SMYD3: variants seen among roughly 807,000 people sequenced by gnomAD.
The protein encoded by SMYD3 is SET and MYND domain containing 3.
A neutral mutation model predicts 57.7 loss-of-function variants in SMYD3; 36 were observed. The ratio of observed to expected loss-of-function variants is 0.62; its 90% confidence interval spans 0.48 to 0.82. SMYD3 has a LOEUF of 0.82. Ranked by LOEUF, SMYD3 falls within the 40% of genes least tolerant of loss-of-function variation. The probability of loss-of-function intolerance (pLI) is 0.00; values close to 1 mark genes in which losing one functional copy is unlikely to be tolerated. For missense variants in SMYD3, 515 were observed against 538.8 expected (o/e 0.96, Z 0.44); for synonymous variants, 211 against 195.0 (o/e 1.08, Z -0.68).
At chr1:246,132,966 CAAAT>C (rs1271202805) in intron 5 of SMYD3, among the ~76,000 whole-genome samples, 1 of 151,858 alleles carries the variant, frequency 6.6e-6, no homozygotes, top group African/African-American at 2.4e-5. Flanking sequence ...TGGCTACTAT[CAAAT>C]AAACAGAAAA....
At chr1:245,836,411 C>T (rs948898531) in intron 10 of SMYD3, among the ~76,000 whole-genome samples, 5 of 152,204 alleles carry the variant, frequency 3.3e-5, no homozygotes, top group Non-Finnish European at 5.9e-5. Context: ...ACATTCAGGG[C>T]TGGCCATAGG....
chr1:245,793,252 T>C (rs901536073), intron 10 of SMYD3, among the ~76,000 whole-genome samples: 2 of 151,194 alleles, frequency 1.3e-5, no homozygotes, highest in Non-Finnish European at 2.9e-5. Flanking sequence ...GAGCTTGAAG[T>C]GAGCCGAGAT....
At chr1:245,893,756 T>TTAA (rs2053548295) in intron 8 of SMYD3, among the ~76,000 whole-genome samples, 1 of 14,800 alleles carries the variant, frequency 6.8e-5, no homozygotes, top group African/African-American at 2.6e-4. Context: ...CTTCTCTATC[T>TTAA]TGATGGTGGT....
At chr1:246,042,918 C>A (rs955709206) in intron 5 of SMYD3, among the ~76,000 whole-genome samples, 1 of 152,160 alleles carries the variant, frequency 6.6e-6, no homozygotes, top group Non-Finnish European at 1.5e-5. Context: ...TCCAGGGGCT[C>A]TGAATAGTGG....
chr1:245,795,003 G>A (rs2047460320), intron 10 of SMYD3, among the ~76,000 whole-genome samples: 1 of 151,974 alleles, frequency 6.6e-6, no homozygotes, highest in Non-Finnish European at 1.5e-5. Context: ...TCTTTTTGAT[G>A]CTCTATTTCT....
At chr1:246,268,996 T>C (rs1189811923) in intron 5 of SMYD3, among the ~76,000 whole-genome samples, 1 of 152,136 alleles carries the variant, frequency 6.6e-6, no homozygotes, top group African/African-American at 2.4e-5. Context: ...AGTTACAGGT[T>C]CCCATTACTA....
intron 5 of SMYD3, among the ~76,000 whole-genome samples, chr1:245,994,867 C>T (rs2058890925): frequency 6.6e-6 from 1 of 151,852 alleles, no homozygotes; most frequent in Admixed American, 6.6e-5. Flanking sequence ...TGGCTCACGC[C>T]TGTAATTCCA....
At chr1:246,167,166 T>C (rs965944300) in intron 5 of SMYD3, among the ~76,000 whole-genome samples, 1 of 152,240 alleles carries the variant, frequency 6.6e-6, no homozygotes, top group African/African-American at 2.4e-5. Context: ...TAGATCACAA[T>C]TGGTGTATTC....
chr1:246,022,508 T>A (rs2059489707), intron 5 of SMYD3, among the ~76,000 whole-genome samples: 1 of 152,202 alleles, frequency 6.6e-6, no homozygotes, highest in Admixed American at 6.5e-5. Flanking sequence ...AATCTTGGTT[T>A]CCTCGTCTGT....
chr1:246,048,488 G>A (rs72770858), intron 5 of SMYD3, among the ~76,000 whole-genome samples: 3,298 of 152,210 alleles, frequency 0.022, 47 homozygotes, highest in Non-Finnish European at 0.034. Context: ...CATTAATGGG[G>A]CATGACTGAA....
At chr1:245,824,870 CA>C (rs1052440827) in intron 10 of SMYD3, among the ~76,000 whole-genome samples, 3 of 92,470 alleles carry the variant, frequency 3.2e-5, no homozygotes, top group African/African-American at 3.5e-5. Flanking sequence ...AAAAAAAAAA[CA>C]AAAAAAAAAA....
chr1:246,147,899 C>T (rs1281749990), intron 5 of SMYD3, among the ~76,000 whole-genome samples: 3 of 152,090 alleles, frequency 2.0e-5, no homozygotes, highest in Non-Finnish European at 2.9e-5. Context: ...CTGGAGGGCC[C>T]GGGAAGACCC....
chr1:246,089,305 A>G (rs545495917), intron 5 of SMYD3, among the ~76,000 whole-genome samples: 9 of 152,280 alleles, frequency 5.9e-5, no homozygotes, highest in African/African-American at 1.9e-4. Flanking sequence ...AGAAAATTCA[A>G]TACATAAAGA....
chr1:245,762,933 G>A (rs1445310010), intron 11 of SMYD3, among the ~76,000 whole-genome samples: 1 of 152,040 alleles, frequency 6.6e-6, no homozygotes, highest in Non-Finnish European at 1.5e-5. Flanking sequence ...ATACCCGCAC[G>A]CCAGGTCTCC....
rs559366903 is a variant in SMYD3 at position 245,980,329 on chromosome 1, T to G, written c.532-50392A>C. On this transcript the variant is annotated intron_variant, in intron 5 of 11. Coordinates refer to ENST00000490107, the MANE Select transcript of SMYD3 (RefSeq NM_001167740.2). ...CATGCCTCGGGAATGAAGGCAGGAA[T>G]GTACTTCATCGACTCCACTCCTGTG... 3.3e-5 allele frequency among the ~76,000 whole-genome samples: 5 copies of G among 152,300 alleles called. No homozygotes were observed. The South Asian group carries it at 8.3e-4, about 25-fold the overall frequency.
At chr1:246,235,175 A>G (rs1396137394) in intron 5 of SMYD3, among the ~76,000 whole-genome samples, 2 of 152,216 alleles carry the variant, frequency 1.3e-5, no homozygotes, top group Non-Finnish European at 2.9e-5. Context: ...CAGAAGATAT[A>G]CAATCATAGA....
At chr1:246,414,719 T>TTG (rs2067031863) in intron 1 of SMYD3, among the ~76,000 whole-genome samples, 1 of 145,190 alleles carries the variant, frequency 6.9e-6, no homozygotes, top group Non-Finnish European at 1.5e-5. Flanking sequence ...TTTTGCTGGT[T>TTG]TTTTTTTTTT....
chr1:246,233,988 C>T (rs2063469875), intron 5 of SMYD3, among the ~76,000 whole-genome samples: 1 of 141,724 alleles, frequency 7.1e-6, no homozygotes, highest in Non-Finnish European at 1.5e-5. Context: ...TCAATTCACA[C>T]TGTGATGAAC....
chr1:245,760,920 T>G (rs1010687113), intron 11 of SMYD3, among the ~76,000 whole-genome samples: 1 of 152,102 alleles, frequency 6.6e-6, no homozygotes, highest in African/African-American at 2.4e-5. Context: ...TCTCCCGCAT[T>G]GCCTCGCTTA....
Sources: allele counts gnomAD v4.1 joint callset (sites outside exome capture counted in the v4.1 genomes callset), GRCh38; gene constraint gnomAD v4.1.1; transcripts MANE v1.5; gene names NCBI Gene and HGNC (gene_info 2026-07-23, HGNC 2026-07-21).